SIAE: variants seen among roughly 807,000 people sequenced by gnomAD.
SIAE encodes the protein sialic acid acetylesterase.
A neutral mutation model predicts 52.6 loss-of-function variants in SIAE; 39 were observed. The ratio of observed to expected loss-of-function variants is 0.74; its 90% CI spans 0.57 to 0.97. SIAE has a LOEUF of 0.97. SIAE is among the 50% of genes least tolerant of loss of function. The probability of loss-of-function intolerance (pLI) is 0.00; values close to 1 mark genes in which losing one functional copy is unlikely to be tolerated. For missense variants in SIAE, 592 were observed against 662.1 expected (o/e 0.89, Z 1.16); for synonymous variants, 233 against 241.4 (o/e 0.97, Z 0.32).
chr11:124,669,631 A>G (rs1943321710), intron 1 of SIAE, 110 bp from the exon 2 acceptor site: 8 of 1,005,132 alleles, frequency 8.0e-6, no homozygotes, highest in Admixed American at 3.7e-5. Context: ...GAATTTTAAC[A>G]TACTAAGTCC....
At chr11:124,659,287 A>AAATAC (rs1430249401) in intron 3 of SIAE, 1 of 152,236 alleles carries the variant, frequency 6.6e-6, no homozygotes, top group Non-Finnish European at 1.5e-5. Flanking sequence ...GCATTAAGAA[A>AAATAC]AATACTGTTT....
intron 1 of SIAE, among the ~76,000 whole-genome samples, chr11:124,671,632 TTAGAG>T (rs1190620712): frequency 6.6e-6 from 1 of 152,118 alleles, no homozygotes; most frequent in Non-Finnish European, 1.5e-5. Context: ...TCTAAGTTCA[TTAGAG>T]TAGACAGTGG....
At chr11:124,656,682 T>A (rs1048003486) in intron 3 of SIAE, among the ~76,000 whole-genome samples, 3 of 152,212 alleles carry the variant, frequency 2.0e-5, no homozygotes, top group African/African-American at 4.8e-5. Context: ...AACAAATATA[T>A]CAGAAATATT....
Position 124,636,810 on chromosome 11 carries a change from A to C in SIAE, c.*141T>G. The C allele has an allele frequency of 8.2e-7, 1 of 1,218,734 alleles. No individual in the cohort carries two copies. Among genetic ancestry groups the C allele is most frequent in the Non-Finnish European group, 1.2e-6 (1 of 836,050 alleles). 75.5% of individuals were successfully genotyped at this position (1,218,734 alleles called of 1,614,324 possible). ...AAGCCTGGGCTCATCAGAATATAGA[A>C]ACAGCCATGTGCTAGCTGAAAGCCA... On this transcript the variant is annotated 3_prime_UTR_variant, in exon 10 of 10. Coordinates refer to ENST00000263593, the MANE Select transcript of SIAE (RefSeq NM_170601.5).
At position 124,639,812 on chromosome 11, in the gene SIAE, C is replaced by T. The variant is rs139734968; in HGVS notation, c.1022G>A (p.Trp341Ter). 10 of 1,614,064 alleles carry T rather than the reference C, an allele frequency of 6.2e-6. No individual in the cohort carries two copies. The African/African-American group carries it at 1.1e-4, about 17-fold the overall frequency. Reference protein sequence around the residue: ...SSDDGFPQIRWHQTADFGYVP... With the variant: ...SSDDGFPQIR Reference sequence around the variant, plus strand: ...ATAGCCGAAGTCTGCTGTTTGATGCCAACGGATCTGGGGAAATCCATCGTC... The same window carrying T: ...ATAGCCGAAGTCTGCTGTTTGATGCTAACGGATCTGGGGAAATCCATCGTC... The change falls in exon 8 of 10, where the codon TGG (tryptophan) becomes TAG (stop). Residue 341 changes from tryptophan to a stop codon, truncating the protein, a stop_gained. Coordinates refer to ENST00000263593, the MANE Select transcript of SIAE (RefSeq NM_170601.5). LOFTEE classifies it high-confidence loss of function.
At chr11:124,638,886 A>G in intron 8 of SIAE, 149 bp from the exon 9 acceptor site, 1 of 670,952 alleles carries the variant, frequency 1.5e-6, no homozygotes, top group Non-Finnish European at 2.6e-6. Flanking sequence ...AGCTCAAGGG[A>G]AATGGTGAAT....
At chr11:124,662,649 C>T (rs61910595) in intron 2 of SIAE, among the ~76,000 whole-genome samples, 1 of 152,172 alleles carries the variant, frequency 6.6e-6, no homozygotes, top group Non-Finnish European at 1.5e-5. Context: ...GCAATACCAT[C>T]CTGCTACAGC....
At chr11:124,664,166 AAG>A (rs1443683605) in intron 2 of SIAE, among the ~76,000 whole-genome samples, 1 of 152,150 alleles carries the variant, frequency 6.6e-6, no homozygotes, top group Non-Finnish European at 1.5e-5. Flanking sequence ...TTACACTGAC[AAG>A]AGAGCCATGC....
chr11:124,651,193 G>A (rs957045738), intron 4 of SIAE, among the ~76,000 whole-genome samples: 5 of 152,188 alleles, frequency 3.3e-5, no homozygotes, highest in African/African-American at 1.2e-4. Flanking sequence ...ATGGGAGACA[G>A]TGATGAAAGC....
In SIAE at chr11:124,633,869, C is replaced by T. The variant is rs1335508401; in HGVS notation, c.*3082G>A. 4 of 152,060 alleles carry T rather than the reference C, an allele frequency of 2.6e-5. No homozygotes were observed. The highest frequency in any genetic ancestry group is 2.1e-4 in the South Asian group (1 of 4,822). 9.4% of individuals were successfully genotyped at this position (152,060 alleles called of 1,614,324 possible). ...CCACTATTACAGCCTGAGTAATACC[C>T]GTATTAAAAGAGCCTCATTTTAGAA... On this transcript the variant is annotated 3_prime_UTR_variant, in exon 10 of 10. Coordinates refer to ENST00000263593, the MANE Select transcript of SIAE (RefSeq NM_170601.5).
Position 124,636,558 on chromosome 11 carries a change from A to T in SIAE, c.*393T>A, listed in dbSNP as rs567760671. On this transcript the variant is annotated 3_prime_UTR_variant, in exon 10 of 10. Transcript: ENST00000263593. ...GTACTTGGATGGGAGAAATTTTATA[A>T]AGAACACATGAACACTAGCTGGCCT... The T allele has an allele frequency of 3.5e-6, 1 of 282,828 alleles. No homozygotes were observed. The highest frequency in any genetic ancestry group is 4.7e-5 in the Admixed American group (1 of 21,194). 17.5% of individuals were successfully genotyped at this position (282,828 alleles called of 1,614,324 possible). A position where few individuals can be genotyped will look rare whatever the true frequency, so the allele number is the denominator to read the frequency against.
At position 124,670,769 on chromosome 11, in the gene SIAE, G is replaced by T. The variant is rs1943340849; in HGVS notation, c.68-1248C>A. 1.3e-5 allele frequency among the ~76,000 whole-genome samples: 2 copies of T among 152,216 alleles called. No individual in the cohort carries two copies. The highest frequency in any genetic ancestry group is 4.8e-5 in the African/African-American group (2 of 41,460). On this transcript the variant is annotated intron_variant, in intron 1 of 9. Transcript: ENST00000263593. This position sits in a 1 kb window ranked among gnomAD's most constrained non-coding sequence, Gnocchi z 4.5. ...CCTCAGCGCTCTCTTATGAGCTAGT[G>T]TGATCAAGAAACCTACATGACAATG...
intron 4 of SIAE, 107 bp downstream of exon 4, chr11:124,654,548 C>T: frequency 6.2e-7 from 1 of 1,606,072 alleles, no homozygotes; most frequent in Non-Finnish European, 8.5e-7. Context: ...GAATAAAAGG[C>T]ATGAGTAATA....
At position 124,647,616 on chromosome 11, in the gene SIAE, T is replaced by C. The variant is rs992365110; in HGVS notation, c.833-118A>G. 25 of 1,295,168 alleles carry C rather than the reference T, an allele frequency of 1.9e-5. No homozygotes were observed. In the African/African-American group the frequency reaches 3.1e-4, roughly 16 times the overall value. 80.2% of individuals were successfully genotyped at this position (1,295,168 alleles called of 1,614,324 possible). A position where few individuals can be genotyped will look rare whatever the true frequency, so the allele number is the denominator to read the frequency against. ...TGGTCTTCCCACGGTCTCTCTGGAC[T>C]GGTCTTTTTCCAGCCAGTGGGGCAT... On this transcript the variant is annotated intron_variant, in intron 6 of 9. Transcript: ENST00000263593.
Position 124,635,661 on chromosome 11 carries a change from A to G in SIAE, c.*1290T>C, listed in dbSNP as rs1165380149. The G allele has an allele frequency of 6.6e-6, 1 of 152,252 alleles. No homozygotes were observed. Among genetic ancestry groups the G allele is most frequent in the Non-Finnish European group, 1.5e-5 (1 of 68,038 alleles). 9.4% of individuals were successfully genotyped at this position (152,252 alleles called of 1,614,324 possible). The stretch of plus-strand genomic sequence containing the variant: ...ACTACGTAAAATACATTGTATATGT[A>G]CAGTGAGTGATGCTTTTTGCTTTAG... On this transcript the variant is annotated 3_prime_UTR_variant, in exon 10 of 10. Coordinates refer to ENST00000263593, the MANE Select transcript of SIAE (RefSeq NM_170601.5).
chr11:124,635,223 T>G lies in SIAE; in HGVS notation c.*1728A>C, dbSNP rs1942699587. The G allele has an allele frequency of 6.6e-6, 1 of 152,234 alleles. No individual in the cohort carries two copies. The highest frequency in any genetic ancestry group is 2.4e-5 in the African/African-American group (1 of 41,442). 9.4% of individuals were successfully genotyped at this position (152,234 alleles called of 1,614,324 possible). ...ATTGACTTTTTCTCAGGCATCAATC[T>G]GTTACAAGGTTCATGGTTTCTATGG... is the stretch of plus-strand genomic sequence containing the variant. On this transcript the variant is annotated 3_prime_UTR_variant, in exon 10 of 10. Transcript: ENST00000263593.
intron 7 of SIAE, among the ~76,000 whole-genome samples, chr11:124,642,012 G>C (rs944170215): frequency 1.3e-5 from 2 of 148,836 alleles, no homozygotes; most frequent in Non-Finnish European, 3.0e-5. Flanking sequence ...AACGCAGAGA[G>C]ACAGATTAGT....
intron 2 of SIAE, among the ~76,000 whole-genome samples, chr11:124,662,176 C>T (rs1943195007): frequency 6.6e-6 from 1 of 152,230 alleles, no homozygotes; most frequent in Non-Finnish European, 1.5e-5. Context: ...TTTATACCAT[C>T]AGTAGCCACA....
chr11:124,647,641 T>C, intron 6 of SIAE, 143 bp from the exon 7 acceptor site: 1 of 1,001,152 alleles, frequency 1.0e-6, no homozygotes, highest in East Asian at 2.6e-5. Context: ...CAGTGGGGCA[T>C]CAGCAAATGT....
Sources: allele counts gnomAD v4.1 joint callset (sites outside exome capture counted in the v4.1 genomes callset), GRCh38; gene constraint gnomAD v4.1.1; non-coding constraint Gnocchi (gnomAD v3.1); transcripts MANE v1.5; gene names NCBI Gene and HGNC (gene_info 2026-07-23, HGNC 2026-07-21).